The following DBF4B variants were observed in gnomAD, a reference collection of about 807,000 sequenced individuals.
DBF4B encodes protein DBF4 homolog B.
DBF4B carries 49 observed loss-of-function variants against 53.4 expected under a neutral mutation model. The observed-to-expected ratio is 0.92, with a 90% CI of 0.73 to 1.16. The LOEUF is 1.16. Among genes scored for constraint, DBF4B ranks in the 50% most tolerant of loss-of-function variants. DBF4B has a pLI of 0.00. For missense variants in DBF4B, 692 were observed against 775.0 expected (o/e 0.89, Z 1.27); for synonymous variants, 257 against 288.7 (o/e 0.89, Z 1.11).
In DBF4B at chr17:44,722,861, C is replaced by T. The variant is rs762315492; in HGVS notation, c.83-19C>T. 3 of 1,612,180 alleles carry T rather than the reference C, an allele frequency of 1.9e-6. No individual in the cohort carries two copies. Among genetic ancestry groups the T allele is most frequent in the Non-Finnish European group, 2.5e-6 (3 of 1,179,454 alleles). ...CTCTTTTCAAACTTCTTACTTTGCT[C>T]CTCTTTATTGTTTTCTAGGAGTTTC... On this transcript the variant is annotated intron_variant, in intron 2 of 13. Coordinates refer to ENST00000315005, the MANE Select transcript of DBF4B (RefSeq NM_145663.3).
rs2049284747 is a variant in DBF4B at position 44,751,938 on chromosome 17, A to G, written c.*685A>G. ...TGCCCATTCCCTCGTTCGTTCATTC[A>G]GCACAGGCCTTGCCGTCTGCCCTGA... is the stretch of plus-strand genomic sequence containing the variant. On this transcript the variant is annotated 3_prime_UTR_variant, in exon 14 of 14. Coordinates refer to ENST00000315005, the MANE Select transcript of DBF4B (RefSeq NM_145663.3). 1 of 1,535,658 alleles carries G rather than the reference A, an allele frequency of 6.5e-7. No homozygotes were observed. Among genetic ancestry groups the G allele is most frequent in the Non-Finnish European group, 8.7e-7 (1 of 1,146,792 alleles).
chr17:44,726,672 C>A (rs946059216), intron 3 of DBF4B, among the ~76,000 whole-genome samples: 1 of 152,066 alleles, frequency 6.6e-6, no homozygotes, highest in African/African-American at 2.4e-5. Context: ...ATATAATATT[C>A]TTTTGAGTGG....
intron 6 of DBF4B, 192 bp from the exon 7 acceptor site, chr17:44,733,898 G>T: frequency 1.7e-6 from 1 of 588,240 alleles, no homozygotes; most frequent in East Asian, 2.8e-5. Context: ...GCTGTTCCAG[G>T]GATAGAGGAC....
chr17:44,712,688 C>T (rs574713613), intron 2 of DBF4B, among the ~76,000 whole-genome samples: 3 of 152,156 alleles, frequency 2.0e-5, no homozygotes, highest in South Asian at 4.1e-4. Context: ...ATCTGCCCTC[C>T]TCAGCCTCCC....
chr17:44,711,958 G>A (rs971883630), intron 2 of DBF4B, among the ~76,000 whole-genome samples: 4 of 151,442 alleles, frequency 2.6e-5, no homozygotes, highest in South Asian at 2.1e-4. Flanking sequence ...ATTAGCTGGC[G>A]TGGTGGCAGG....
chr17:44,736,703 G>A, intron 7 of DBF4B, 127 bp from the exon 8 acceptor site: 1 of 985,728 alleles, frequency 1.0e-6, no homozygotes, highest in Non-Finnish European at 1.6e-6. Flanking sequence ...TGAGAGTCTG[G>A]TTCTGCAGGC....
chr17:44,737,489 A>G (rs1275446097), intron 8 of DBF4B, among the ~76,000 whole-genome samples: 1 of 152,200 alleles, frequency 6.6e-6, no homozygotes, highest in Non-Finnish European at 1.5e-5. Flanking sequence ...GTCCCCAAAA[A>G]GTAATTAATG....
Position 44,751,039 on chromosome 17 carries a change from A to G in DBF4B, c.1634A>G (p.Tyr545Cys). 6.2e-7 allele frequency: 1 copy of G among 1,613,810 alleles called. No individual in the cohort carries two copies. The highest frequency in any genetic ancestry group is 8.5e-7 in the Non-Finnish European group (1 of 1,179,922). The change falls in exon 14 of 14, where the codon TAC becomes TGC. Residue 545 changes from tyrosine to cysteine, a missense_variant. Coordinates refer to ENST00000315005, the MANE Select transcript of DBF4B (RefSeq NM_145663.3). ...PCPCLRLGYL[Y>C]LLLTQSLWCR... The stretch of plus-strand genomic sequence containing the variant: ...CCCTGTCTCAGACTTGGATACCTTT[A>G]CCTGCTGCTCACACAAAGCCTGTGG...
At chr17:44,717,880 G>A (rs952216553) in intron 2 of DBF4B, among the ~76,000 whole-genome samples, 1 of 151,660 alleles carries the variant, frequency 6.6e-6, no homozygotes, top group African/African-American at 2.4e-5. Flanking sequence ...GCCAGGTATG[G>A]TGGTGCGTGA....
chr17:44,746,762 T>C (rs2049102213), intron 10 of DBF4B, among the ~76,000 whole-genome samples: 1 of 148,324 alleles, frequency 6.7e-6, no homozygotes. Flanking sequence ...AAGATTGCAG[T>C]GAGCCAAGAT....
At chr17:44,748,707 G>A in intron 13 of DBF4B, 4 of 1,406,812 alleles carry the variant, frequency 2.8e-6, no homozygotes, top group Non-Finnish European at 3.8e-6. Flanking sequence ...ACAAGCGGAA[G>A]GTTCAGTTCC....
At chr17:44,719,995 AT>A in intron 2 of DBF4B, 1 of 214,680 alleles carries the variant, frequency 4.7e-6, no homozygotes. Flanking sequence ...ACGTTTTGCA[AT>A]TTTTACATTG....
At chr17:44,710,417 AT>A (rs890510696) in intron 2 of DBF4B, among the ~76,000 whole-genome samples, 24 of 151,670 alleles carry the variant, frequency 1.6e-4, no homozygotes, top group East Asian at 1.4e-3. Context: ...ATTTAAGTCA[AT>A]TTTTTTTCCT....
Position 44,708,675 on chromosome 17 carries a change from C to A in DBF4B, c.-146C>A. 1 of 941,842 alleles carries A rather than the reference C, an allele frequency of 1.1e-6. No homozygotes were observed. The highest frequency in any genetic ancestry group is 1.5e-6 in the Non-Finnish European group (1 of 669,922). 58.3% of individuals were successfully genotyped at this position (941,842 alleles called of 1,614,324 possible). A position where few individuals can be genotyped will look rare whatever the true frequency, so the allele number is the denominator to read the frequency against. On this transcript the variant is annotated 5_prime_UTR_variant, in exon 1 of 14. Coordinates refer to ENST00000315005, the MANE Select transcript of DBF4B (RefSeq NM_145663.3). Reference sequence around the variant, plus strand: ...GCCGGCAGGAAATTTAAACTGAAGCCGCGGCCGAAAACGCCAAGAGATTGA... The same window carrying A: ...GCCGGCAGGAAATTTAAACTGAAGCAGCGGCCGAAAACGCCAAGAGATTGA...
intron 3 of DBF4B, among the ~76,000 whole-genome samples, chr17:44,726,292 T>TTTTTTTTA (rs1555676222): frequency 0.023 from 3,061 of 132,016 alleles, 85 homozygotes; most frequent in African/African-American, 0.048. Flanking sequence ...CCCGGCCCTT[T>TTTTTTTTA]TTTATTTATT....
chr17:44,748,235 C>A, intron 12 of DBF4B, 106 bp from the exon 13 acceptor site: 2 of 1,440,578 alleles, frequency 1.4e-6, no homozygotes, highest in Non-Finnish European at 1.9e-6. Context: ...GCAGCTCTCT[C>A]GGCACATGAA....
intron 6 of DBF4B, 50 bp from the exon 7 acceptor site, chr17:44,734,040 G>A: frequency 6.6e-7 from 1 of 1,504,692 alleles, no homozygotes. Flanking sequence ...GCTGTGCTAG[G>A]TAAGTGAAGA....
At chr17:44,729,171 A>G (rs1440236782) in intron 3 of DBF4B, among the ~76,000 whole-genome samples, 2 of 152,038 alleles carry the variant, frequency 1.3e-5, no homozygotes, top group Non-Finnish European at 2.9e-5. Flanking sequence ...ATAGTGGTAA[A>G]GTGTATATAA....
intron 4 of DBF4B, 32 bp downstream of exon 4, chr17:44,730,128 G>A: frequency 6.3e-7 from 1 of 1,599,098 alleles, no homozygotes; most frequent in Non-Finnish European, 8.5e-7. Flanking sequence ...GGTATGCTGT[G>A]TAAACAAAGG....
Sources: gnomAD v4.1 joint callset for allele counts (sites outside exome capture counted in the v4.1 genomes callset) on GRCh38, gnomAD v4.1.1 for gene constraint, MANE v1.5 for transcripts, NCBI Gene and HGNC (gene_info 2026-07-23, HGNC 2026-07-21) for gene names.